Variants in NFIA observed in about 807,000 individuals in gnomAD.
NFIA encodes the protein nuclear factor 1 A-type.
In NFIA, 8 loss-of-function variants were observed where a neutral mutation model predicts 62.8. That is an observed-to-expected ratio of 0.13 (90% confidence interval 0.07 to 0.23). The LOEUF is 0.23. Among genes scored for constraint, NFIA ranks in the 10% least tolerant of loss-of-function variants. The probability of loss-of-function intolerance (pLI) is 1.00; values close to 1 mark genes in which losing one functional copy is unlikely to be tolerated. For synonymous variants in NFIA, 235 were observed against 238.1 expected, an observed-to-expected ratio of 0.99 and a Z score of 0.12; for missense variants, 410 against 642.1, an observed-to-expected ratio of 0.64 and a Z score of 3.91.
chr1:61,347,397 T>C (rs1022405591), intron 4 of NFIA, among the ~76,000 whole-genome samples: 22 of 151,874 alleles, frequency 1.4e-4, no homozygotes, highest in Non-Finnish European at 2.9e-4. Flanking sequence ...ATGGTCTCGA[T>C]CTCCTGACCT....
intron 9 of NFIA, among the ~76,000 whole-genome samples, chr1:61,415,960 A>G (rs1666330098): frequency 6.6e-6 from 1 of 152,150 alleles, no homozygotes; most frequent in South Asian, 2.1e-4. Flanking sequence ...GTACATTAGG[A>G]GCTCTTTAAA....
At chr1:61,109,171 TTCTAA>T (rs1313799515) in intron 2 of NFIA, among the ~76,000 whole-genome samples, 1 of 151,912 alleles carries the variant, frequency 6.6e-6, no homozygotes, top group Non-Finnish European at 1.5e-5. Flanking sequence ...TAGATTACTC[TTCTAA>T]TCTTGTGAGC....
At chr1:61,084,370 G>A (rs2100407355) in intron 1 of NFIA, among the ~76,000 whole-genome samples, 1 of 151,732 alleles carries the variant, frequency 6.6e-6, no homozygotes, top group South Asian at 2.1e-4. Context: ...GTCTGTTTGG[G>A]ATTTAGGCCT....
At chr1:61,365,478 T>C (rs937118906) in intron 6 of NFIA, among the ~76,000 whole-genome samples, 1 of 152,196 alleles carries the variant, frequency 6.6e-6, no homozygotes, top group Non-Finnish European at 1.5e-5. Flanking sequence ...TTAGAAAAGA[T>C]TGGATTCTGG....
intron 2 of NFIA, among the ~76,000 whole-genome samples, chr1:61,192,754 G>A (rs149633308): frequency 2.6e-5 from 4 of 152,122 alleles, no homozygotes; most frequent in East Asian, 3.9e-4. Context: ...GGAGTTGTGT[G>A]TATTTTCAGT....
intron 6 of NFIA, among the ~76,000 whole-genome samples, chr1:61,360,376 A>G (rs1043931232): frequency 5.3e-5 from 8 of 151,970 alleles, no homozygotes; most frequent in African/African-American, 1.9e-4. Flanking sequence ...CCTGGCTTCA[A>G]CTCCTGCTGG....
At chr1:61,258,981 A>G (rs1440390248) in intron 2 of NFIA, among the ~76,000 whole-genome samples, 1 of 152,136 alleles carries the variant, frequency 6.6e-6, no homozygotes, top group Non-Finnish European at 1.5e-5. Context: ...TTGGCCTCCC[A>G]AAGTGCTGGG....
chr1:61,187,342 A>G (rs1651263064), intron 2 of NFIA, among the ~76,000 whole-genome samples: 1 of 152,192 alleles, frequency 6.6e-6, no homozygotes, highest in Admixed American at 6.5e-5. Flanking sequence ...CCAGCAGTTG[A>G]AATGGCATCC....
intron 7 of NFIA, among the ~76,000 whole-genome samples, chr1:61,386,718 G>A (rs1664705001): frequency 6.6e-6 from 1 of 152,216 alleles, no homozygotes. Context: ...TCTCTCTTAA[G>A]ATTGCAAAGC....
intron 2 of NFIA, among the ~76,000 whole-genome samples, chr1:61,214,820 C>T (rs1327559906): frequency 6.6e-6 from 1 of 152,148 alleles, no homozygotes; most frequent in South Asian, 2.1e-4. Flanking sequence ...ACCTCAGTAG[C>T]CAGTATAACA....
intron 2 of NFIA, among the ~76,000 whole-genome samples, chr1:61,264,653 C>CAAAA (rs1165980251): frequency 4.9e-5 from 3 of 60,734 alleles, no homozygotes; most frequent in Non-Finnish European, 6.7e-5. Context: ...CTCCACCTTA[C>CAAAA]AAAAAAAAAA....
chr1:61,419,766 A>C (rs1440665004), intron 9 of NFIA, among the ~76,000 whole-genome samples: 3 of 152,216 alleles, frequency 2.0e-5, no homozygotes, highest in African/African-American at 7.2e-5. Context: ...GCAAATAGTT[A>C]GCATACACGT....
At chr1:61,118,799 G>T (rs983455519) in intron 2 of NFIA, among the ~76,000 whole-genome samples, 3 of 151,916 alleles carry the variant, frequency 2.0e-5, no homozygotes, top group Non-Finnish European at 2.9e-5. Context: ...TTGCCACAGG[G>T]TTACACAGAA....
intron 2 of NFIA, among the ~76,000 whole-genome samples, chr1:61,142,941 G>T (rs763424770): frequency 9.9e-5 from 15 of 152,144 alleles, no homozygotes; most frequent in Non-Finnish European, 2.1e-4. Flanking sequence ...AGAACCGCTT[G>T]TGTGGCGACT....
At chr1:61,271,500 C>T (rs1256857736) in intron 2 of NFIA, among the ~76,000 whole-genome samples, 1 of 152,218 alleles carries the variant, frequency 6.6e-6, no homozygotes, top group Non-Finnish European at 1.5e-5. Context: ...ATGTAACAGT[C>T]TTAAGTAGGC....
intron 3 of NFIA, among the ~76,000 whole-genome samples, chr1:61,323,913 G>A (rs902352228): frequency 6.6e-5 from 10 of 152,164 alleles, no homozygotes; most frequent in African/African-American, 1.7e-4. Context: ...TCCCCGGTTT[G>A]TTGTAGGAGT....
At chr1:61,408,414 T>C (rs1665950011) in intron 9 of NFIA, among the ~76,000 whole-genome samples, 1 of 152,182 alleles carries the variant, frequency 6.6e-6, no homozygotes, top group Admixed American at 6.5e-5. Context: ...TTTAAACAAG[T>C]CAGAGAAATA....
intron 2 of NFIA, among the ~76,000 whole-genome samples, chr1:61,206,983 A>G (rs1570380120): frequency 6.6e-6 from 1 of 152,196 alleles, no homozygotes; most frequent in Non-Finnish European, 1.5e-5. Context: ...ATGTATGTCT[A>G]GCACTAATGG....
chr1:61,224,557 A>T (rs547825133), intron 2 of NFIA, among the ~76,000 whole-genome samples: 2 of 152,192 alleles, frequency 1.3e-5, no homozygotes, highest in South Asian at 2.1e-4. Flanking sequence ...ACTTATTCTG[A>T]TTCAGTCCTG....
Sources: allele counts gnomAD v4.1 joint callset (sites outside exome capture counted in the v4.1 genomes callset), GRCh38; gene constraint gnomAD v4.1.1; transcripts MANE v1.5; gene names NCBI Gene and HGNC (gene_info 2026-07-23, HGNC 2026-07-21).